Variants in PDCL2 observed in about 807,000 individuals in gnomAD.
PDCL2 encodes the protein phosducin-like protein 2.
PDCL2 carries 23 observed loss-of-function variants against 30.3 expected under a neutral mutation model. The observed-to-expected ratio is 0.76, with a 90% CI of 0.55 to 1.08. PDCL2 has a LOEUF of 1.08. Among genes scored for constraint, PDCL2 ranks in the 50% least tolerant of loss-of-function variants. The pLI, the probability that PDCL2 is intolerant of heterozygous loss-of-function variation, is 0.00. For synonymous variants in PDCL2, 68 were observed against 86.2 expected (o/e 0.79, Z 1.17); for missense variants, 243 against 282.3 (o/e 0.86, Z 1.00).
chr4:55,584,241 T>G (rs79077422), intron 1 of PDCL2, among the ~76,000 whole-genome samples: 5,985 of 67,340 alleles, frequency 0.089, 153 homozygotes, highest in Non-Finnish European at 0.14. Context: ...CTAGTTTTTT[T>G]TTGTTGTTGT....
chr4:55,586,327 C>G (rs1732865194), intron 1 of PDCL2, among the ~76,000 whole-genome samples: 1 of 152,048 alleles, frequency 6.6e-6, no homozygotes, highest in South Asian at 2.1e-4. Context: ...AAATAATAGC[C>G]CCTCATTCTC....
intron 4 of PDCL2, among the ~76,000 whole-genome samples, chr4:55,563,214 C>T (rs1417635982): frequency 2.0e-5 from 3 of 152,218 alleles, no homozygotes; most frequent in African/African-American, 7.2e-5. Context: ...ACTCCTTGAT[C>T]GATTAGTCCC....
At chr4:55,560,235 C>A (rs1732099058) in intron 5 of PDCL2, among the ~76,000 whole-genome samples, 1 of 151,704 alleles carries the variant, frequency 6.6e-6, no homozygotes. Flanking sequence ...AGTTTTTGCC[C>A]CTAAGGAAGC....
At chr4:55,591,981 T>C (rs2110172274) in intron 1 of PDCL2, 123 bp downstream of exon 1, 1 of 1,374,930 alleles carries the variant, frequency 7.3e-7, no homozygotes, top group African/African-American at 1.5e-5. Flanking sequence ...TTTAGCACTT[T>C]CCAAGAACAA....
At chr4:55,557,604 C>T (rs1392643448) in intron 5 of PDCL2, among the ~76,000 whole-genome samples, 1 of 152,054 alleles carries the variant, frequency 6.6e-6, no homozygotes, top group Non-Finnish European at 1.5e-5. Context: ...TTGGGGGACA[C>T]ATTCAAATCA....
chr4:55,564,373 T>C (rs988025409), intron 4 of PDCL2, among the ~76,000 whole-genome samples: 1 of 152,164 alleles, frequency 6.6e-6, no homozygotes, highest in African/African-American at 2.4e-5. Context: ...CAGCAAGTAG[T>C]AGGGGAACAA....
At chr4:55,560,776 A>G (rs1003362471) in intron 5 of PDCL2, among the ~76,000 whole-genome samples, 17 of 152,204 alleles carry the variant, frequency 1.1e-4, no homozygotes, top group African/African-American at 4.1e-4. Flanking sequence ...TGGTTAGACC[A>G]TGAGGGCAGA....
rs2110149759 is a variant in PDCL2 at position 55,556,709 on chromosome 4, G to A, written c.574C>T (p.Leu192Phe). The change falls in exon 6 of 6, where the codon CTT (leucine) becomes TTT (phenylalanine). Residue 192 changes from leucine to phenylalanine, a missense_variant and splice_region_variant. By Grantham distance (22) the Leu-to-Phe change is conservative. Coordinates refer to ENST00000295645, the MANE Select transcript of PDCL2 (RefSeq NM_152401.3). ...CCAACTTCTGCTAGCTTCCATTCAA[G>A]TTCTGTAATAAATAACCCATCATTC... is the stretch of plus-strand genomic sequence containing the variant. Reference protein sequence around the residue: ...CGGINLKLEELEWKLAEVGAI... With the variant: ...CGGINLKLEEFEWKLAEVGAI... 2 of 1,540,218 alleles carry A rather than the reference G, an allele frequency of 1.3e-6. No homozygotes were observed. Among genetic ancestry groups the A allele is most frequent in the Admixed American group, 2.1e-5 (1 of 47,576 alleles).
At position 55,582,374 on chromosome 4, in the gene PDCL2, G is replaced by A. The variant is rs1732739783; in HGVS notation, c.7-137C>T. On this transcript the variant is annotated intron_variant, in intron 1 of 5. Transcript: ENST00000295645. ...CAGTTAATTGGTTTTGAAGAATAAA[G>A]CAAAGTGACCTACTTTTTCCTGCTT... The A allele has an allele frequency of 4.0e-6, 4 of 989,104 alleles. No homozygotes were observed. The East Asian group carries it at 8.4e-5, about 21-fold the overall frequency. 61.3% of individuals were successfully genotyped at this position (989,104 alleles called of 1,614,324 possible).
chr4:55,583,551 G>C (rs1050372775), intron 1 of PDCL2, among the ~76,000 whole-genome samples: 2 of 152,080 alleles, frequency 1.3e-5, no homozygotes, highest in African/African-American at 4.8e-5. Flanking sequence ...ACAATTTCAG[G>C]TCTTATATTT....
intron 4 of PDCL2, among the ~76,000 whole-genome samples, chr4:55,569,409 A>G (rs1209918683): frequency 6.6e-6 from 1 of 152,126 alleles, no homozygotes; most frequent in African/African-American, 2.4e-5. Context: ...TAGAGTGTTC[A>G]TTTTCTCATT....
chr4:55,588,756 T>A (rs758141537), intron 1 of PDCL2, among the ~76,000 whole-genome samples: 36 of 152,230 alleles, frequency 2.4e-4, no homozygotes, highest in Non-Finnish European at 4.4e-4. Flanking sequence ...GCCCATTTAA[T>A]GGTCTTGGCA....
In PDCL2 at chr4:55,556,699, T is replaced by C; in HGVS notation, c.584A>G (p.Lys195Arg). 6.4e-7 allele frequency: 1 copy of C among 1,550,868 alleles called. No homozygotes were observed. The highest frequency in any genetic ancestry group is 1.2e-5 in the South Asian group (1 of 81,292). The change falls in exon 6 of 6, where the codon AAG (lysine) becomes AGG (arginine). Residue 195 changes from lysine (K) to arginine (R), a missense_variant. Physicochemically the swap from Lys to Arg is conservative, Grantham distance 26 (BLOSUM62 2). Transcript: ENST00000295645. ...INLKLEELEWKLAEVGAIQTD... is the reference protein window; with the variant it reads ...INLKLEELEWRLAEVGAIQTD... Reference sequence around the variant, plus strand: ...CTGTATTGCTCCAACTTCTGCTAGCTTCCATTCAAGTTCTGTAATAAATAA... The same window carrying C: ...CTGTATTGCTCCAACTTCTGCTAGCCTCCATTCAAGTTCTGTAATAAATAA...
chr4:55,584,160 A>G (rs1430151111), intron 1 of PDCL2, among the ~76,000 whole-genome samples: 9 of 152,126 alleles, frequency 5.9e-5, no homozygotes, highest in Admixed American at 5.9e-4. Flanking sequence ...ACTTTTTTGT[A>G]AATATTATAA....
chr4:55,577,894 T>C (rs1403350846), intron 3 of PDCL2, among the ~76,000 whole-genome samples: 1 of 152,216 alleles, frequency 6.6e-6, no homozygotes, highest in African/African-American at 2.4e-5. Flanking sequence ...TGTTTGTGTA[T>C]GCCTTGTGAT....
intron 5 of PDCL2, among the ~76,000 whole-genome samples, chr4:55,561,632 T>C (rs965686404): frequency 3.3e-5 from 5 of 151,906 alleles, no homozygotes; most frequent in Non-Finnish European, 5.9e-5. Context: ...TTTAACACAA[T>C]GGTGAGAGAA....
intron 1 of PDCL2, among the ~76,000 whole-genome samples, chr4:55,585,762 C>G (rs576229215): frequency 6.6e-6 from 1 of 152,094 alleles, no homozygotes; most frequent in Admixed American, 6.6e-5. Context: ...TCTTCTTGAT[C>G]CACTGTTGGT....
chr4:55,569,977 T>C (rs1430777651), intron 3 of PDCL2, 116 bp from the exon 4 acceptor site: 2 of 656,560 alleles, frequency 3.0e-6, no homozygotes, highest in African/African-American at 1.8e-5. Context: ...TCAAACACTT[T>C]AAATGATGGG....
chr4:55,571,389 T>C (rs1300664812), intron 3 of PDCL2, among the ~76,000 whole-genome samples: 2 of 151,426 alleles, frequency 1.3e-5, no homozygotes, highest in Non-Finnish European at 2.9e-5. Flanking sequence ...ACCCTGGGTA[T>C]ATTTTAAAAC....
Sources: allele counts gnomAD v4.1 joint callset (sites outside exome capture counted in the v4.1 genomes callset), GRCh38; gene constraint gnomAD v4.1.1; transcripts MANE v1.5; gene names NCBI Gene and HGNC (gene_info 2026-07-23, HGNC 2026-07-21).